SLC9D1: variants seen among roughly 807,000 people sequenced by gnomAD.
SLC9D1 encodes putative LAG1-interacting protein.
chr13:113,547,714 T>C, the SLC9D1 span, among the ~76,000 whole-genome samples: 9 of 152,216 alleles, frequency 5.9e-5, no homozygotes, highest in Non-Finnish European at 1.2e-4. Context: ...GAAAATGGTG[T>C]AGGCACTTTC....
At chr13:113,495,460 T>C in the SLC9D1 span, 6 of 685,264 alleles carry the variant, frequency 8.8e-6, no homozygotes, top group Non-Finnish European at 1.5e-5. Context: ...TCAATAGTAA[T>C]GAATCATTGT....
chr13:113,549,366 C>T, the SLC9D1 span: 1 of 1,587,604 alleles, frequency 6.3e-7, no homozygotes, highest in Non-Finnish European at 8.6e-7. Context: ...CTGTGCTTTC[C>T]TGTTGCAGGT....
At chr13:113,507,253 T>TA in the SLC9D1 span, among the ~76,000 whole-genome samples, 1 of 152,112 alleles carries the variant, frequency 6.6e-6, no homozygotes, top group African/African-American at 2.4e-5. Context: ...TCCCGCTGTT[T>TA]TTCTAAGTCT....
the SLC9D1 span, among the ~76,000 whole-genome samples, chr13:113,518,479 A>T: frequency 6.6e-6 from 1 of 152,278 alleles, no homozygotes; most frequent in South Asian, 2.1e-4. Context: ...AAATGCTGGC[A>T]GTAATATCAT....
the SLC9D1 span, chr13:113,528,038 A>AT: frequency 4.3e-4 from 65 of 151,930 alleles, no homozygotes; most frequent in African/African-American, 1.4e-3. Flanking sequence ...GAGATTTTCT[A>AT]TTTTTTATTT....
chr13:113,539,604 TG>T, the SLC9D1 span: 2 of 1,326,158 alleles, frequency 1.5e-6, no homozygotes, highest in Non-Finnish European at 2.1e-6. The surrounding 1 kb of genome is among the most constrained non-coding windows in gnomAD (Gnocchi z 4.8). Flanking sequence ...ATAGCAAAAA[TG>T]GTTATCTTAA....
At chr13:113,510,382 G>A in the SLC9D1 span, 13 of 1,613,638 alleles carry the variant, frequency 8.1e-6, no homozygotes, top group Non-Finnish European at 1.0e-5. Flanking sequence ...CACACCCCTC[G>A]TGTCCAGGTT....
At chr13:113,511,038 G>C in the SLC9D1 span, among the ~76,000 whole-genome samples, 1 of 145,222 alleles carries the variant, frequency 6.9e-6, no homozygotes, top group Non-Finnish European at 1.5e-5. Flanking sequence ...GTGCGGGGAG[G>C]ACAGTGGAAG....
the SLC9D1 span, among the ~76,000 whole-genome samples, chr13:113,516,324 G>C: frequency 1.3e-5 from 2 of 152,132 alleles, no homozygotes; most frequent in African/African-American, 2.4e-5. Flanking sequence ...CAGCACTTTG[G>C]GAGGCCAAGG....
the SLC9D1 span, among the ~76,000 whole-genome samples, chr13:113,521,336 G>A: frequency 6.7e-6 from 1 of 150,286 alleles, no homozygotes; most frequent in South Asian, 2.1e-4. Context: ...CTGCATGCAT[G>A]TGCGTCTGCA....
At chr13:113,504,238 C>T in the SLC9D1 span, 10 of 152,142 alleles carry the variant, frequency 6.6e-5, no homozygotes, top group Non-Finnish European at 1.3e-4. Flanking sequence ...TTTTTTTCCA[C>T]GAAAGACTTG....
At chr13:113,507,824 G>A in the SLC9D1 span, among the ~76,000 whole-genome samples, 1 of 152,254 alleles carries the variant, frequency 6.6e-6, no homozygotes, top group Admixed American at 6.5e-5. Flanking sequence ...GCTGGGTGAG[G>A]CAGGTATAAC....
At chr13:113,501,936 T>A in the SLC9D1 span, 1 of 1,401,954 alleles carries the variant, frequency 7.1e-7, no homozygotes, top group East Asian at 2.3e-5. Context: ...AAAAAGAGAA[T>A]TCATGAAGAC....
the SLC9D1 span, chr13:113,520,512 C>A: frequency 4.0e-6 from 3 of 752,128 alleles, no homozygotes; most frequent in South Asian, 2.3e-5. Flanking sequence ...AGTAAAGTGC[C>A]AAAATAATTT....
the SLC9D1 span, among the ~76,000 whole-genome samples, chr13:113,495,316 AG>A: frequency 1.3e-5 from 2 of 152,240 alleles, no homozygotes; most frequent in African/African-American, 4.8e-5. Context: ...GCACCATACA[AG>A]GTACATCAAC....
At chr13:113,525,650 G>A in the SLC9D1 span, among the ~76,000 whole-genome samples, 1 of 150,394 alleles carries the variant, frequency 6.6e-6, no homozygotes, top group Admixed American at 6.6e-5. Flanking sequence ...TCTAGAACAA[G>A]CCATCGTCAT....
the SLC9D1 span, chr13:113,534,336 G>T: frequency 9.7e-6 from 10 of 1,030,478 alleles, no homozygotes; most frequent in South Asian, 4.4e-5. Context: ...TTTTAATAAT[G>T]GTTAAAATAT....
At chr13:113,549,352 A>G in the SLC9D1 span, 3 of 1,541,176 alleles carry the variant, frequency 1.9e-6, 1 homozygote, top group South Asian at 3.5e-5. Flanking sequence ...CAGTGAGACC[A>G]GCCCTGTGCT....
At chr13:113,517,453 C>A in the SLC9D1 span, among the ~76,000 whole-genome samples, 1 of 152,160 alleles carries the variant, frequency 6.6e-6, no homozygotes, top group African/African-American at 2.4e-5. Context: ...TGGTCTCGAT[C>A]TCCTGACCTC....
Sources: allele counts gnomAD v4.1 joint callset (sites outside exome capture counted in the v4.1 genomes callset), GRCh38; gene constraint gnomAD v4.1.1; non-coding constraint Gnocchi (gnomAD v3.1); transcripts MANE v1.5; gene names NCBI Gene and HGNC (gene_info 2026-07-23, HGNC 2026-07-21).